NPSR1: variants seen among roughly 807,000 people sequenced by gnomAD.
NPSR1 encodes the protein neuropeptide S receptor 1, also known as neuropeptide S receptor.
NPSR1 carries 48 observed loss-of-function variants against 46.9 expected under a neutral mutation model. That is an observed-to-expected ratio of 1.02 (90% CI 0.81 to 1.30). The LOEUF is 1.30. Ranked by LOEUF, NPSR1 falls within the 50% of genes most tolerant of loss-of-function variation. The probability of loss-of-function intolerance (pLI) is 0.00; values close to 1 mark genes in which losing one functional copy is unlikely to be tolerated. For synonymous variants in NPSR1, 176 were observed against 168.1 expected (o/e 1.05, Z -0.36); for missense variants, 450 against 449.5 (o/e 1.00, Z -0.01).
chr7:34,724,804 A>G (rs1784051600), intron 2 of NPSR1, among the ~76,000 whole-genome samples: 1 of 152,198 alleles, frequency 6.6e-6, no homozygotes, highest in Non-Finnish European at 1.5e-5. Context: ...TCTAGGTTAC[A>G]GTAGGTGACC....
chr7:34,667,142 G>A (rs774246156), intron 1 of NPSR1, among the ~76,000 whole-genome samples: 1 of 152,170 alleles, frequency 6.6e-6, no homozygotes, highest in Non-Finnish European at 1.5e-5. Flanking sequence ...TTTCCTGACA[G>A]CTTAAAACAT....
At chr7:34,726,262 C>T (rs920863162) in intron 2 of NPSR1, among the ~76,000 whole-genome samples, 2 of 152,174 alleles carry the variant, frequency 1.3e-5, no homozygotes, top group African/African-American at 2.4e-5. Context: ...TGAAAAGATG[C>T]TCCACATCAT....
intron 1 of NPSR1, among the ~76,000 whole-genome samples, chr7:34,679,196 T>C (rs1463974296): frequency 6.6e-6 from 1 of 152,120 alleles, no homozygotes; most frequent in Non-Finnish European, 1.5e-5. Flanking sequence ...ATTTTTAAAG[T>C]ACAAAAACAA....
Position 34,658,280 on chromosome 7 carries a change from G to A in NPSR1, c.-133G>A. 2 of 893,894 alleles carry A rather than the reference G, an allele frequency of 2.2e-6. No homozygotes were observed. The highest frequency in any genetic ancestry group is 3.4e-6 in the Non-Finnish European group (2 of 584,150). 55.4% of individuals were successfully genotyped at this position (893,894 alleles called of 1,614,324 possible). A position where few individuals can be genotyped will look rare whatever the true frequency, so the allele number is the denominator to read the frequency against. ...CTGTCATCAGGCAGAGCTCTTCAGTGAGGTGGGCTCAGGGAGGGCTCTGTG... is the reference window on the plus strand; with the variant it reads ...CTGTCATCAGGCAGAGCTCTTCAGTAAGGTGGGCTCAGGGAGGGCTCTGTG... On this transcript the variant is annotated 5_prime_UTR_variant, in exon 1 of 9. Transcript: ENST00000360581.
At chr7:34,703,155 C>T (rs1793923121) in intron 2 of NPSR1, among the ~76,000 whole-genome samples, 1 of 152,052 alleles carries the variant, frequency 6.6e-6, no homozygotes, top group South Asian at 2.1e-4. Flanking sequence ...GTCAGGAGAT[C>T]GAGACCATCC....
intron 2 of NPSR1, among the ~76,000 whole-genome samples, chr7:34,739,304 A>G (rs1784825151): frequency 6.6e-6 from 1 of 152,228 alleles, no homozygotes; most frequent in Non-Finnish European, 1.5e-5. Flanking sequence ...TAACTTTTTA[A>G]GTAAATACAA....
intron 3 of NPSR1, among the ~76,000 whole-genome samples, chr7:34,803,779 G>T: frequency 6.7e-6 from 1 of 149,226 alleles, no homozygotes; most frequent in South Asian, 2.2e-4. Context: ...GAAGAGGGAA[G>T]CCACAAGTTA....
downstream of NPSR1, among the ~76,000 whole-genome samples, chr7:34,853,520 G>T (rs967347293): frequency 2.6e-5 from 4 of 152,144 alleles, no homozygotes; most frequent in Admixed American, 6.5e-5. Context: ...TACATTATCC[G>T]CAACAGGCTG....
Position 34,828,801 on chromosome 7 carries a change from T to G in NPSR1, c.680+1199T>G, listed in dbSNP as rs2128756972. Among the ~76,000 whole-genome samples, 2 of 152,344 alleles carry G rather than the reference T, an allele frequency of 1.3e-5. 1 individual carries two copies. The highest frequency in any genetic ancestry group is 4.1e-4 in the South Asian group (2 of 4,828). On this transcript the variant is annotated intron_variant, in intron 5 of 8. Coordinates refer to ENST00000360581, the MANE Select transcript of NPSR1 (RefSeq NM_207172.2). Reference sequence around the variant, plus strand: ...AAAGATGATGCACATTTTAAAACTTTTGATGCAGAGTCACAAGCTGCCCTT... The same window carrying G: ...AAAGATGATGCACATTTTAAAACTTGTGATGCAGAGTCACAAGCTGCCCTT...
chr7:34,823,407 A>AAAAAAAAAAAAAAAAAG (rs1203279704), intron 4 of NPSR1, among the ~76,000 whole-genome samples: 15 of 146,398 alleles, frequency 1.0e-4, no homozygotes, highest in Non-Finnish European at 1.3e-4. Flanking sequence ...CAGAAAAAAA[A>AAAAAAAAAAAAAAAAAG]AAAAAAAAAC....
At chr7:34,781,333 AG>A (rs1327979438) in intron 3 of NPSR1, among the ~76,000 whole-genome samples, 3 of 152,226 alleles carry the variant, frequency 2.0e-5, no homozygotes, top group Admixed American at 2.0e-4. Context: ...AAAGCATTCA[AG>A]TATAGACAGC....
intron 6 of NPSR1, among the ~76,000 whole-genome samples, chr7:34,840,934 A>T (rs1047423951): frequency 2.6e-5 from 4 of 152,200 alleles, no homozygotes; most frequent in African/African-American, 9.6e-5. Context: ...CTGCAGCTAA[A>T]CAGATGAGAC....
chr7:34,663,619 C>T (rs971436942), intron 1 of NPSR1, among the ~76,000 whole-genome samples: 1 of 152,138 alleles, frequency 6.6e-6, no homozygotes, highest in Non-Finnish European at 1.5e-5. Context: ...GGGGGCAATC[C>T]AATACCCTCT....
chr7:34,715,547 A>T (rs1783520065), intron 2 of NPSR1, among the ~76,000 whole-genome samples: 1 of 152,186 alleles, frequency 6.6e-6, no homozygotes, highest in Non-Finnish European at 1.5e-5. Flanking sequence ...CAGGCCAATG[A>T]AATGTGAGTT....
intron 2 of NPSR1, among the ~76,000 whole-genome samples, chr7:34,705,735 C>T (rs1794073450): frequency 1.3e-5 from 2 of 152,206 alleles, no homozygotes; most frequent in Middle Eastern, 6.8e-3. Context: ...TTGCCAAGCA[C>T]CGAACTAAGC....
chr7:34,767,515 A>G (rs186755397), intron 2 of NPSR1, among the ~76,000 whole-genome samples: 1 of 149,768 alleles, frequency 6.7e-6, no homozygotes, highest in Non-Finnish European at 1.5e-5. Context: ...TTACACAGCC[A>G]GAGGAAGAAT....
chr7:34,694,159 G>A (rs532491396), intron 2 of NPSR1, among the ~76,000 whole-genome samples: 1 of 151,984 alleles, frequency 6.6e-6, no homozygotes, highest in Non-Finnish European at 1.5e-5. Context: ...GAGCAATCAG[G>A]CAAGAAAAAG....
intron 4 of NPSR1, among the ~76,000 whole-genome samples, chr7:34,822,570 A>C (rs1789611269): frequency 6.6e-6 from 1 of 152,264 alleles, no homozygotes; most frequent in South Asian, 2.1e-4. Context: ...ATGCAGTGTT[A>C]TATTAAAATG....
At chr7:34,783,619 C>A (rs1043304432) in intron 3 of NPSR1, among the ~76,000 whole-genome samples, 1 of 151,808 alleles carries the variant, frequency 6.6e-6, no homozygotes, top group Admixed American at 6.6e-5. Context: ...GAATAGTTTG[C>A]AAATCTGGGG....
Sources: allele counts gnomAD v4.1 joint callset (sites outside exome capture counted in the v4.1 genomes callset), GRCh38; gene constraint gnomAD v4.1.1; transcripts MANE v1.5; gene names NCBI Gene and HGNC (gene_info 2026-07-23, HGNC 2026-07-21).